The following PASK variants were observed in gnomAD, a reference collection of about 807,000 sequenced individuals.
The protein encoded by PASK is PAS domain containing serine/threonine kinase.
A neutral mutation model predicts 121.0 loss-of-function variants in PASK; 110 were observed. That is an observed-to-expected ratio of 0.91 (90% CI 0.78 to 1.06). The LOEUF (loss-of-function observed/expected upper bound fraction) is 1.06. Ranked by LOEUF, PASK falls within the 50% of genes least tolerant of loss-of-function variation. PASK has a pLI of 0.00. For synonymous variants in PASK, 686 were observed against 717.8 expected, an observed-to-expected ratio of 0.96 and a Z score of 0.71; for missense variants, 1,643 against 1,702.3, an observed-to-expected ratio of 0.97 and a Z score of 0.61.
chr2:241,127,803 C>T (rs914262537), intron 9 of PASK: 26 of 373,328 alleles, frequency 7.0e-5, no homozygotes, highest in African/African-American at 3.2e-4. Context: ...AGGGGAAGTC[C>T]GTGCTGCTGC....
At chr2:241,142,032 G>A (rs1004722197) in intron 2 of PASK, among the ~76,000 whole-genome samples, 3 of 152,198 alleles carry the variant, frequency 2.0e-5, no homozygotes, top group East Asian at 3.9e-4. Context: ...CCTGATCAGC[G>A]CCTGGGTGAA....
At chr2:241,131,786 T>C (rs947264957) in intron 9 of PASK, among the ~76,000 whole-genome samples, 3 of 152,180 alleles carry the variant, frequency 2.0e-5, no homozygotes, top group African/African-American at 4.8e-5. Context: ...TCAGGTATGG[T>C]GGCTCACACC....
At chr2:241,126,137 C>A (rs897454256) in intron 10 of PASK, 59 bp downstream of exon 10, 2 of 1,486,144 alleles carry the variant, frequency 1.3e-6, no homozygotes, top group Admixed American at 1.7e-5. Context: ...AGGCCCTGCA[C>A]CCCCACTGCA....
At chr2:241,130,336 GAA>G (rs2066069029) in intron 9 of PASK, among the ~76,000 whole-genome samples, 1 of 152,186 alleles carries the variant, frequency 6.6e-6, no homozygotes, top group Non-Finnish European at 1.5e-5. Flanking sequence ...CAATGCAATA[GAA>G]AGACTAGGAA....
chr2:241,129,478 C>T (rs2066026898), intron 9 of PASK, among the ~76,000 whole-genome samples: 1 of 152,178 alleles, frequency 6.6e-6, no homozygotes, highest in Non-Finnish European at 1.5e-5. Flanking sequence ...TGCAGCAAGG[C>T]CTCTGAACAC....
Position 241,137,936 on chromosome 2 carries a change from G to A in PASK, c.876+17C>T, listed in dbSNP as rs762782008. Reference sequence around the variant, plus strand: ...AACTCCACCCCATCACACAGTGCGGGAGGTCAGGAGCCCTACCTTTGGGAT... The same window carrying A: ...AACTCCACCCCATCACACAGTGCGGAAGGTCAGGAGCCCTACCTTTGGGAT... On this transcript the variant is annotated intron_variant, in intron 6 of 17. Coordinates refer to ENST00000234040, the MANE Select transcript of PASK (RefSeq NM_015148.4). 6 of 1,613,784 alleles carry A rather than the reference G, an allele frequency of 3.7e-6. No individual in the cohort carries two copies. Among genetic ancestry groups the A allele is most frequent in the Non-Finnish European group, 5.1e-6 (6 of 1,179,762 alleles).
intron 11 of PASK, 100 bp from the exon 12 acceptor site, chr2:241,122,999 G>T: frequency 4.2e-6 from 5 of 1,179,122 alleles, no homozygotes; most frequent in Non-Finnish European, 6.1e-6. Context: ...GCCGCCCGAG[G>T]CAGGTGTGCC....
At chr2:241,147,909 G>A (rs977087294) in intron 1 of PASK, among the ~76,000 whole-genome samples, 3 of 152,136 alleles carry the variant, frequency 2.0e-5, no homozygotes, top group African/African-American at 7.2e-5. Context: ...CCTTTTTCCC[G>A]CTGTGCCTCC....
At chr2:241,113,537 A>G in intron 14 of PASK, 1 of 174,622 alleles carries the variant, frequency 5.7e-6, no homozygotes, top group South Asian at 1.9e-4. Flanking sequence ...ACACATAAAT[A>G]CACATATACA....
rs2066055126 is a variant in PASK at position 241,130,056 on chromosome 2, CTAAAACACAAAAGCACTCCG to C, written c.1464-2625_1464-2606del. On this transcript the variant is annotated intron_variant, in intron 9 of 17. Transcript: ENST00000234040. ...TACGAGGAAGCACCCAACGTAGTCC[CTAAAACACAAAAGCACTCCG>C]TACAGCTCACCTCCTTCCTTCATGC... Among the ~76,000 whole-genome samples the C allele has an allele frequency of 1.1e-4, 17 of 152,334 alleles. 1 individual carries two copies. The South Asian group carries it at 3.5e-3, about 32-fold the overall frequency.
At chr2:241,132,543 A>G (rs963725684) in intron 9 of PASK, among the ~76,000 whole-genome samples, 3 of 150,924 alleles carry the variant, frequency 2.0e-5, no homozygotes, top group African/African-American at 4.9e-5. Flanking sequence ...AAAAAAAAAA[A>G]AAAAAAAAAA....
chr2:241,140,152 T>C (rs762738110), intron 3 of PASK, 97 bp from the exon 4 acceptor site: 3 of 949,932 alleles, frequency 3.2e-6, no homozygotes, highest in Non-Finnish European at 5.0e-6. Flanking sequence ...AGCCAGCCTT[T>C]TCCTGACAGA....
At chr2:241,149,524 C>G (rs2067182232), upstream of PASK, 2 of 846,054 alleles carry the variant, frequency 2.4e-6, no homozygotes, top group South Asian at 1.7e-5. Context: ...TTGACAAGCT[C>G]CACGGACCAG....
chr2:241,149,708 G>T, upstream of PASK: 1 of 1,551,166 alleles, frequency 6.4e-7, no homozygotes, highest in Non-Finnish European at 8.7e-7. Context: ...GATCAAAATG[G>T]GTGAGTAGCG....
chr2:241,122,809 A>T lies in PASK; in HGVS notation c.2995T>A (p.Tyr999Asn). ...AACEGEYSQK[Y>N]STMSPLGSGA... is the part of the protein sequence containing the mutation. ...CTGCCCAGCGGGCTCATGGTACTGT[A>T]CTTTTGGGAGTACTCGCCCTCACAG... The change falls in exon 12 of 18, where the codon TAC (tyrosine) becomes AAC (asparagine). Residue 999 changes from tyrosine (Y) to asparagine (N), a missense_variant. Physicochemically the swap from Tyr to Asn is moderately radical, Grantham distance 143 (BLOSUM62 -2). Around this residue, in one of 3 missense-constraint regions of PASK, gnomAD observed 453 missense variants for 511.2 expected, o/e 0.89. Transcript: ENST00000234040. 6.2e-7 allele frequency: 1 copy of T among 1,614,018 alleles called. No homozygotes were observed. The highest frequency in any genetic ancestry group is 2.2e-5 in the East Asian group (1 of 44,876).
At position 241,124,081 on chromosome 2, in the gene PASK, G is replaced by T; in HGVS notation, c.2772C>A (p.Phe924Leu). ...RVELQGPTPL[F>L]CCWLVKDLLH... The stretch of plus-strand genomic sequence containing the variant: ...GGAGGTCTTTCACCAGCCAGCAGCA[G>T]AACAGAGGTGTGGGGCCCTGGAGCT... Residue 924 changes from phenylalanine to leucine, a missense_variant, in exon 11 of 18, where the codon TTC (phenylalanine) becomes TTA (leucine). This residue lies in a region of PASK where 453 missense variants were observed against 511.2 expected (regional missense o/e 0.89). Coordinates refer to ENST00000234040, the MANE Select transcript of PASK (RefSeq NM_015148.4). The T allele has an allele frequency of 6.2e-7, 1 of 1,613,752 alleles. No homozygotes were observed. Among genetic ancestry groups the T allele is most frequent in the Non-Finnish European group, 8.5e-7 (1 of 1,179,966 alleles).
chr2:241,124,621 C>T (rs1378794799), intron 10 of PASK, among the ~76,000 whole-genome samples: 1 of 152,260 alleles, frequency 6.6e-6, no homozygotes, highest in African/African-American at 2.4e-5. Flanking sequence ...TACCCACTTA[C>T]ATAGAGAAAG....
At chr2:241,125,464 C>G (rs2065809442) in intron 10 of PASK, among the ~76,000 whole-genome samples, 2 of 147,344 alleles carry the variant, frequency 1.4e-5, no homozygotes, top group South Asian at 4.4e-4. Context: ...GCCGGGCGTG[C>G]TGGTGGGTGC....
rs376643711 is a variant in PASK, at chr2:241,127,205, C to G, written c.1710G>C (p.Lys570Asn). The G allele has an allele frequency of 3.0e-5, 49 of 1,614,252 alleles. No homozygotes were observed. Among genetic ancestry groups the G allele is most frequent in the Non-Finnish European group, 3.9e-5 (46 of 1,180,050 alleles). Reference protein sequence around the residue: ...SDAGMCGLCQKAQLERMGVSG... With the variant: ...SDAGMCGLCQNAQLERMGVSG... ...TGACTCCCATCCGCTCTAGCTGGGCCTTCTGACACAGGCCACACATGCCAG... is the reference window on the plus strand; with the variant it reads ...TGACTCCCATCCGCTCTAGCTGGGCGTTCTGACACAGGCCACACATGCCAG... The change falls in exon 10 of 18, where the codon AAG becomes AAC. Residue 570 changes from lysine to asparagine, a missense_variant. By Grantham distance (94) the Lys-to-Asn change is moderately conservative (BLOSUM62 0). This residue lies in a region of PASK where 1,176 missense variants were observed against 1,162.2 expected (regional missense o/e 1.01). Transcript: ENST00000234040.
Sources: allele counts gnomAD v4.1 joint callset (sites outside exome capture counted in the v4.1 genomes callset), GRCh38; gene constraint gnomAD v4.1.1; regional missense constraint gnomAD v4.1.1; transcripts MANE v1.5; gene names NCBI Gene and HGNC (gene_info 2026-07-23, HGNC 2026-07-21).